TAS2R1: variants seen among roughly 807,000 people sequenced by gnomAD.
TAS2R1 encodes the protein taste receptor type 2 member 1.
For missense variants in TAS2R1, 370 were observed against 353.4 expected, an observed-to-expected ratio of 1.05 and a Z score of -0.38; for synonymous variants, 141 against 134.2, an observed-to-expected ratio of 1.05 and a Z score of -0.35.
At chr5:9,891,562 G>A in the TAS2R1 span, among the ~76,000 whole-genome samples, 2 of 152,002 alleles carry the variant, frequency 1.3e-5, no homozygotes, top group African/African-American at 4.8e-5. Context: ...GCTCAGCATT[G>A]GCCCTCCCTC....
At chr5:9,892,254 T>C in the TAS2R1 span, among the ~76,000 whole-genome samples, 146 of 152,346 alleles carry the variant, frequency 9.6e-4, no homozygotes, top group African/African-American at 3.4e-3. Context: ...CATTCTGATC[T>C]GAGTACGCTG....
the TAS2R1 span, among the ~76,000 whole-genome samples, chr5:9,881,677 A>G: frequency 6.6e-6 from 1 of 152,236 alleles, no homozygotes; most frequent in Non-Finnish European, 1.5e-5. Context: ...CCAATGGAAC[A>G]GAATAGAGAT....
intron 1 of TAS2R1, among the ~76,000 whole-genome samples, chr5:9,711,739 T>C (rs1734669504): frequency 6.6e-6 from 1 of 152,174 alleles, no homozygotes; most frequent in South Asian, 2.1e-4. Context: ...GCAATCTCGC[T>C]GCAAACTCTA....
chr5:9,722,421 T>A, the TAS2R1 span, among the ~76,000 whole-genome samples: 1 of 152,280 alleles, frequency 6.6e-6, no homozygotes, highest in African/African-American at 2.4e-5. Flanking sequence ...TCTGGAAGTT[T>A]AGATGTAATC....
chr5:9,871,682 A>G, the TAS2R1 span, among the ~76,000 whole-genome samples: 12 of 152,356 alleles, frequency 7.9e-5, no homozygotes, highest in African/African-American at 2.6e-4. Flanking sequence ...AAATTATCTC[A>G]TCTGTCCAAA....
chr5:9,699,686 G>C (rs980361745), intron 1 of TAS2R1, among the ~76,000 whole-genome samples: 1 of 152,144 alleles, frequency 6.6e-6, no homozygotes, highest in African/African-American at 2.4e-5. Context: ...GGACAGTCGT[G>C]ATAGGAACCT....
chr5:9,733,018 T>C, the TAS2R1 span, among the ~76,000 whole-genome samples: 563 of 152,372 alleles, frequency 3.7e-3, no homozygotes, highest in Middle Eastern at 6.8e-3. Flanking sequence ...TACAGTCACC[T>C]GATTATAGAT....
the TAS2R1 span, among the ~76,000 whole-genome samples, chr5:9,720,082 T>C: frequency 2.6e-5 from 4 of 152,322 alleles, no homozygotes; most frequent in African/African-American, 9.6e-5. Flanking sequence ...TTAGATCTCA[T>C]CTTACTCAAC....
chr5:9,796,740 GAAAAGA>G, the TAS2R1 span, among the ~76,000 whole-genome samples: 2 of 102,808 alleles, frequency 1.9e-5, no homozygotes, highest in African/African-American at 3.8e-5. Context: ...AAAAAAAAAA[GAAAAGA>G]AAAAAAAAAA....
the TAS2R1 span, among the ~76,000 whole-genome samples, chr5:9,840,857 ATTTTTTTTT>A: frequency 7.9e-3 from 1,042 of 132,108 alleles, 16 homozygotes; most frequent in African/African-American, 0.022. Flanking sequence ...TTATTTATTT[ATTTTTTTTT>A]TTTTTTTTTT....
the TAS2R1 span, among the ~76,000 whole-genome samples, chr5:9,722,282 T>A: frequency 6.6e-6 from 1 of 152,208 alleles, no homozygotes; most frequent in Non-Finnish European, 1.5e-5. Flanking sequence ...TGCACCCAAC[T>A]TAACTGTGCC....
intron 1 of TAS2R1, among the ~76,000 whole-genome samples, chr5:9,711,693 A>T (rs1387309107): frequency 6.6e-6 from 1 of 152,230 alleles, no homozygotes; most frequent in East Asian, 1.9e-4. Context: ...TCTGAAATGG[A>T]GTCTCACTCT....
chr5:9,699,563 T>C (rs191652671), intron 1 of TAS2R1, among the ~76,000 whole-genome samples: 1 of 152,286 alleles, frequency 6.6e-6, no homozygotes, highest in East Asian at 1.9e-4. Flanking sequence ...CTGTGATTTT[T>C]TTTTTCTGGC....
chr5:9,771,824 C>T, the TAS2R1 span, among the ~76,000 whole-genome samples: 4 of 152,068 alleles, frequency 2.6e-5, no homozygotes, highest in Admixed American at 2.6e-4. Flanking sequence ...CTCTAATGAT[C>T]ACTTGAATTT....
the TAS2R1 span, among the ~76,000 whole-genome samples, chr5:9,886,764 T>C: frequency 6.6e-6 from 1 of 152,166 alleles, no homozygotes; most frequent in Non-Finnish European, 1.5e-5. Context: ...AAAAACTGTC[T>C]ATTGGGTACT....
At chr5:9,692,441 A>G (rs74975902) in intron 1 of TAS2R1, among the ~76,000 whole-genome samples, 4,787 of 152,294 alleles carry the variant, frequency 0.031, 96 homozygotes, top group African/African-American at 0.057. Context: ...CATTCCTATG[A>G]ATCCCAGTGG....
intron 2 of TAS2R1, among the ~76,000 whole-genome samples, chr5:9,639,671 C>T (rs1274607851): frequency 6.6e-6 from 1 of 152,202 alleles, no homozygotes; most frequent in Admixed American, 6.5e-5. Flanking sequence ...TTAGCTAAAT[C>T]TTCTGAATTG....
chr5:9,799,897 G>A, the TAS2R1 span, among the ~76,000 whole-genome samples: 2 of 152,196 alleles, frequency 1.3e-5, no homozygotes, highest in Middle Eastern at 3.4e-3. Context: ...CAGTGGAAAC[G>A]TTTTTCGTAA....
chr5:9,706,697 T>A (rs1221618526), intron 1 of TAS2R1, among the ~76,000 whole-genome samples: 3 of 152,096 alleles, frequency 2.0e-5, no homozygotes, highest in African/African-American at 7.2e-5. Flanking sequence ...GCAGGCAGAA[T>A]AATGGAGCTC....
Sources: gnomAD v4.1 joint callset for allele counts (sites outside exome capture counted in the v4.1 genomes callset) on GRCh38, gnomAD v4.1.1 for gene constraint, MANE v1.5 for transcripts, NCBI Gene and HGNC (gene_info 2026-07-23, HGNC 2026-07-21) for gene names.